MAGI1: variants seen among roughly 807,000 people sequenced by gnomAD.
MAGI1 encodes the protein membrane-associated guanylate kinase, WW and PDZ domain-containing protein 1.
Under a neutral mutation model 139.9 loss-of-function variants are expected in MAGI1, and 58 were observed. The ratio of observed to expected loss-of-function variants is 0.41; its 90% CI spans 0.34 to 0.52. The LOEUF (loss-of-function observed/expected upper bound fraction) is 0.52, where lower values mean the gene tolerates loss of function less well. MAGI1 is among the 20% of genes least tolerant of loss of function. The pLI is 0.12. For synonymous variants in MAGI1, 812 were observed against 737.9 expected, an observed-to-expected ratio of 1.10 and a Z score of -1.63; for missense variants, 1,874 against 1,901.6, an observed-to-expected ratio of 0.99 and a Z score of 0.27.
intron 2 of MAGI1, among the ~76,000 whole-genome samples, chr3:65,584,811 C>A (rs1473384378): frequency 6.6e-6 from 1 of 152,198 alleles, no homozygotes; most frequent in Non-Finnish European, 1.5e-5. Flanking sequence ...TAACAGTACT[C>A]ATTTTTATCT....
intron 3 of MAGI1, among the ~76,000 whole-genome samples, chr3:65,491,571 A>T (rs950815137): frequency 5.3e-5 from 8 of 152,110 alleles, no homozygotes; most frequent in African/African-American, 1.9e-4. Flanking sequence ...CTGATTGCAG[A>T]TGAGGACATT....
At chr3:65,865,399 C>T (rs1182034401) in intron 1 of MAGI1, among the ~76,000 whole-genome samples, 1 of 152,038 alleles carries the variant, frequency 6.6e-6, no homozygotes, top group Admixed American at 6.6e-5. Flanking sequence ...AGATCAAGAC[C>T]TGCCTAGGCA....
chr3:65,406,930 T>TA (rs1431752834), intron 12 of MAGI1, among the ~76,000 whole-genome samples: 1 of 152,116 alleles, frequency 6.6e-6, no homozygotes, highest in African/African-American at 2.4e-5. Flanking sequence ...TGGTCTTAGA[T>TA]ACCAAAGAAG....
intron 2 of MAGI1, among the ~76,000 whole-genome samples, chr3:65,614,124 A>AC (rs1448775394): frequency 1.3e-5 from 2 of 151,032 alleles, no homozygotes; most frequent in African/African-American, 5.0e-5. Context: ...CAGGTCCACC[A>AC]CACCTGAAAG....
At chr3:65,893,694 G>T (rs940185246) in intron 1 of MAGI1, 6 of 152,194 alleles carry the variant, frequency 3.9e-5, no homozygotes, top group Non-Finnish European at 7.3e-5. Flanking sequence ...TTGAATTCAT[G>T]ATTTCTTTAT....
chr3:65,767,323 A>T (rs1317347006), intron 1 of MAGI1, among the ~76,000 whole-genome samples: 1 of 151,942 alleles, frequency 6.6e-6, no homozygotes, highest in Admixed American at 6.6e-5. Context: ...TAAAGACTTT[A>T]GGCCAGGGCA....
intron 1 of MAGI1, among the ~76,000 whole-genome samples, chr3:65,749,590 G>C (rs2035973772): frequency 6.6e-6 from 1 of 151,856 alleles, no homozygotes; most frequent in Admixed American, 6.6e-5. Flanking sequence ...CTTGCATGAT[G>C]GGTGCACCAA....
At chr3:65,587,867 T>C (rs1192315844) in intron 2 of MAGI1, among the ~76,000 whole-genome samples, 2 of 152,156 alleles carry the variant, frequency 1.3e-5, no homozygotes, top group Non-Finnish European at 2.9e-5. Context: ...TTCTTCGCAT[T>C]ACAACACAAT....
chr3:66,038,803 G>A lies in MAGI1; in HGVS notation c.-495C>T, dbSNP rs901046118. 4.5e-5 allele frequency: 7 copies of A among 156,366 alleles called. No individual in the cohort carries two copies. The highest frequency in any genetic ancestry group is 3.8e-4 in the Admixed American group (6 of 15,862). The allele number at this position is 156,366 out of a possible 1,614,324, so 9.7% of individuals were successfully genotyped here. Reference sequence around the variant, plus strand: ...GGCGGGGCGGCGGGGAGCAGGGCGGGAGGTAAGTGCTCGCGGCCCCTTTAA... The same window carrying A: ...GGCGGGGCGGCGGGGAGCAGGGCGGAAGGTAAGTGCTCGCGGCCCCTTTAA... On this transcript the variant is annotated 5_prime_UTR_variant, in exon 1 of 23. Coordinates refer to ENST00000402939, the MANE Select transcript of MAGI1 (RefSeq NM_001033057.2).
intron 1 of MAGI1, among the ~76,000 whole-genome samples, chr3:65,918,454 C>T (rs2062014769): frequency 6.8e-6 from 1 of 147,246 alleles, no homozygotes; most frequent in Non-Finnish European, 1.5e-5. Flanking sequence ...GATCTCGGCT[C>T]ACTGAAACCT....
At chr3:65,783,322 C>A (rs1006174876) in intron 1 of MAGI1, among the ~76,000 whole-genome samples, 3 of 152,064 alleles carry the variant, frequency 2.0e-5, no homozygotes, top group African/African-American at 7.2e-5. Context: ...CACAAGACAC[C>A]GCTTCACACC....
At chr3:66,010,575 T>G (rs1437864309) in intron 1 of MAGI1, among the ~76,000 whole-genome samples, 3 of 152,184 alleles carry the variant, frequency 2.0e-5, no homozygotes, top group East Asian at 3.8e-4. Flanking sequence ...TTCTAGGCGT[T>G]CCTCACTTAC....
At chr3:65,786,567 T>C (rs986401644) in intron 1 of MAGI1, among the ~76,000 whole-genome samples, 3 of 151,250 alleles carry the variant, frequency 2.0e-5, no homozygotes, top group Non-Finnish European at 4.4e-5. Context: ...CCTCCAAGAG[T>C]GCTGGGATTA....
chr3:65,636,738 A>ACACC (rs2084648979), intron 1 of MAGI1, among the ~76,000 whole-genome samples: 1 of 152,078 alleles, frequency 6.6e-6, no homozygotes, highest in African/African-American at 2.4e-5. Context: ...ACACACACAC[A>ACACC]CATTAAGCCA....
At chr3:65,505,578 T>C (rs1033733889) in intron 2 of MAGI1, among the ~76,000 whole-genome samples, 5 of 151,266 alleles carry the variant, frequency 3.3e-5, no homozygotes, top group Non-Finnish European at 5.9e-5. Flanking sequence ...CCAGCAGAGG[T>C]TGAGACAGCA....
At chr3:65,710,057 T>G (rs1374561295) in intron 1 of MAGI1, among the ~76,000 whole-genome samples, 1 of 152,188 alleles carries the variant, frequency 6.6e-6, no homozygotes, top group African/African-American at 2.4e-5. Flanking sequence ...GAAAGTTGTC[T>G]TTTGTAGACT....
At chr3:65,618,458 G>C (rs1406128990) in intron 2 of MAGI1, among the ~76,000 whole-genome samples, 2 of 152,094 alleles carry the variant, frequency 1.3e-5, no homozygotes, top group African/African-American at 2.4e-5. Flanking sequence ...TTGAACATCA[G>C]AGAGAATATA....
At chr3:65,766,612 G>A (rs1428590837) in intron 1 of MAGI1, among the ~76,000 whole-genome samples, 1 of 152,106 alleles carries the variant, frequency 6.6e-6, no homozygotes, top group African/African-American at 2.4e-5. Flanking sequence ...ATAAGAGGCT[G>A]GGTGCGGTGG....
At chr3:65,960,696 A>G (rs766212355) in intron 1 of MAGI1, among the ~76,000 whole-genome samples, 19 of 152,206 alleles carry the variant, frequency 1.2e-4, no homozygotes, top group Non-Finnish European at 2.6e-4. Context: ...TTGTCCACAC[A>G]AATTGTACAA....
Sources: gnomAD v4.1 joint callset for allele counts (sites outside exome capture counted in the v4.1 genomes callset) on GRCh38, gnomAD v4.1.1 for gene constraint, MANE v1.5 for transcripts, NCBI Gene and HGNC (gene_info 2026-07-23, HGNC 2026-07-21) for gene names.